The following ARHGAP12 variants were observed in gnomAD, a reference collection of about 807,000 sequenced individuals.
ARHGAP12 encodes rho GTPase-activating protein 12.
Under a neutral mutation model 108.6 loss-of-function variants are expected in ARHGAP12, and 64 were observed. That is an observed-to-expected ratio of 0.59 (90% CI 0.48 to 0.73). The LOEUF is 0.73. Among genes scored for constraint, ARHGAP12 ranks in the 30% least tolerant of loss-of-function variants. ARHGAP12 has a pLI of 0.00. For missense variants in ARHGAP12, 940 were observed against 1,005.9 expected (o/e 0.93, Z 0.89); for synonymous variants, 312 against 337.2 (o/e 0.93, Z 0.82).
chr10:31,815,133 AAAAG>A (rs1389280850), intron 13 of ARHGAP12, among the ~76,000 whole-genome samples: 14 of 145,184 alleles, frequency 9.6e-5, no homozygotes, highest in Admixed American at 7.3e-4. Flanking sequence ...AAAAAAAAAA[AAAAG>A]AAAGAAAGAA....
At chr10:31,862,888 T>C (rs1837182529) in intron 3 of ARHGAP12, among the ~76,000 whole-genome samples, 1 of 152,228 alleles carries the variant, frequency 6.6e-6, no homozygotes. Flanking sequence ...ACTTCTGAAA[T>C]GTAACTAGAG....
intron 3 of ARHGAP12, among the ~76,000 whole-genome samples, chr10:31,881,600 T>TA (rs1352453796): frequency 3.9e-5 from 6 of 152,212 alleles, no homozygotes; most frequent in Non-Finnish European, 7.4e-5. Context: ...TTGACTGACT[T>TA]ATCTTGCCAA....
In ARHGAP12 at chr10:31,807,747, C is replaced by G; in HGVS notation, c.2452G>C (p.Glu818Gln). The G allele has an allele frequency of 1.9e-6, 3 of 1,606,334 alleles. No homozygotes were observed. Among genetic ancestry groups the G allele is most frequent in the Non-Finnish European group, 2.5e-6 (3 of 1,176,784 alleles). The part of the protein sequence containing the change: ...FGPTLLKPEK[E>Q]TGNIAVHTVY... The stretch of plus-strand genomic sequence containing the variant: ...GTATGAACTGCTATATTACCAGTCT[C>G]TTTTTCTGGTTTTAATAGAGTGGGA... Residue 818 changes from glutamate to glutamine, a missense_variant, in exon 20 of 20, where the codon GAG becomes CAG. Transcript: ENST00000344936.
chr10:31,819,541 T>C (rs1460897108), intron 12 of ARHGAP12, among the ~76,000 whole-genome samples: 1 of 152,188 alleles, frequency 6.6e-6, no homozygotes, highest in Non-Finnish European at 1.5e-5. Context: ...AACCAATGAA[T>C]ACTCTGAAAG....
intron 1 of ARHGAP12, among the ~76,000 whole-genome samples, chr10:31,926,468 A>G (rs1840052911): frequency 6.6e-6 from 1 of 152,266 alleles, no homozygotes; most frequent in Non-Finnish European, 1.5e-5. Context: ...ATACTACAAA[A>G]TAGTGCATAT....
chr10:31,875,295 G>A (rs1312375201), intron 3 of ARHGAP12, among the ~76,000 whole-genome samples: 1 of 152,168 alleles, frequency 6.6e-6, no homozygotes, highest in Non-Finnish European at 1.5e-5. Flanking sequence ...TGATACCCAT[G>A]GAGGTCAATA....
intron 19 of ARHGAP12, chr10:31,808,336 GTAACT>G (rs1301635090): frequency 1.1e-5 from 2 of 187,414 alleles, no homozygotes; most frequent in Admixed American, 6.0e-5. Context: ...AACCATGACG[GTAACT>G]TAATACACCT....
chr10:31,896,371 A>G (rs1287682445), intron 3 of ARHGAP12, among the ~76,000 whole-genome samples: 2 of 150,404 alleles, frequency 1.3e-5, no homozygotes, highest in Admixed American at 1.3e-4. Flanking sequence ...GGTCATCATC[A>G]TAAAAACTCA....
At chr10:31,813,266 A>G (rs897389608) in intron 14 of ARHGAP12, among the ~76,000 whole-genome samples, 7 of 152,152 alleles carry the variant, frequency 4.6e-5, no homozygotes, top group Non-Finnish European at 8.8e-5. Flanking sequence ...ATACACACAA[A>G]TATATAGAGA....
chr10:31,883,772 C>A (rs926201026), intron 3 of ARHGAP12, among the ~76,000 whole-genome samples: 1 of 150,126 alleles, frequency 6.7e-6, no homozygotes, highest in African/African-American at 2.5e-5. Context: ...AGTTCAGTGG[C>A]GTGATCTCAG....
chr10:31,870,422 G>T (rs948489454), intron 3 of ARHGAP12, among the ~76,000 whole-genome samples: 3 of 151,880 alleles, frequency 2.0e-5, no homozygotes, highest in African/African-American at 7.3e-5. Flanking sequence ...TAGAGACTGG[G>T]TTTCTCCATG....
intron 3 of ARHGAP12, among the ~76,000 whole-genome samples, chr10:31,881,126 T>C (rs993064028): frequency 6.6e-6 from 1 of 150,584 alleles, no homozygotes; most frequent in Non-Finnish European, 1.5e-5. Context: ...AACAAGGATA[T>C]GCCCATGCTG....
intron 6 of ARHGAP12, among the ~76,000 whole-genome samples, chr10:31,848,760 C>G (rs1403316317): frequency 6.6e-6 from 1 of 152,096 alleles, no homozygotes; most frequent in African/African-American, 2.4e-5. Context: ...TAATTTTAAG[C>G]CTTTATTAAA....
chr10:31,839,709 T>G lies in ARHGAP12; in HGVS notation c.1299A>C (p.Glu433Asp). 3.1e-6 allele frequency: 5 copies of G among 1,602,840 alleles called. No individual in the cohort carries two copies. The South Asian group carries it at 3.3e-5, about 11-fold the overall frequency. Residue 433 changes from glutamate to aspartate, a missense_variant and splice_region_variant, in exon 8 of 20, where the codon GAA becomes GAC. Coordinates refer to ENST00000344936, the MANE Select transcript of ARHGAP12 (RefSeq NM_018287.7). ...STIVLDTNDK[E>D]SPTASKPCFP... ...AGCAGGGTTTTGAGGCAGTTGGAGA[T>G]TCCTACAAGAAATAAGTAATGAAAA...
intron 11 of ARHGAP12, among the ~76,000 whole-genome samples, chr10:31,821,697 C>A (rs1835423762): frequency 6.6e-6 from 1 of 151,948 alleles, no homozygotes. Flanking sequence ...TGAACTTAAA[C>A]AAAAGTTAGG....
intron 1 of ARHGAP12, among the ~76,000 whole-genome samples, chr10:31,926,462 T>A (rs1442593522): frequency 6.6e-6 from 1 of 152,254 alleles, no homozygotes; most frequent in East Asian, 1.9e-4. Context: ...TGATTCATAC[T>A]ACAAAATAGT....
At chr10:31,861,783 T>TG in intron 3 of ARHGAP12, 125 bp from the exon 4 acceptor site, 6 of 860,438 alleles carry the variant, frequency 7.0e-6, no homozygotes, top group Non-Finnish European at 1.0e-5. Context: ...GGTGAATATA[T>TG]TCTGAGGAAA....
chr10:31,835,176 C>G (rs1268739673), intron 9 of ARHGAP12, among the ~76,000 whole-genome samples: 2 of 141,488 alleles, frequency 1.4e-5, no homozygotes, highest in South Asian at 2.2e-4. Context: ...CCAGCCTGGG[C>G]GACAGAGCGA....
intron 13 of ARHGAP12, among the ~76,000 whole-genome samples, chr10:31,817,300 T>C (rs1299273748): frequency 6.6e-6 from 1 of 152,112 alleles, no homozygotes; most frequent in Non-Finnish European, 1.5e-5. Flanking sequence ...TTGTTGTATA[T>C]AAAGAAGAAG....
Sources: allele counts gnomAD v4.1 joint callset (sites outside exome capture counted in the v4.1 genomes callset), GRCh38; gene constraint gnomAD v4.1.1; transcripts MANE v1.5; gene names NCBI Gene and HGNC (gene_info 2026-07-23, HGNC 2026-07-21).